The following CYFIP1 variants were observed in gnomAD, a reference collection of about 807,000 sequenced individuals.
CYFIP1 encodes cytoplasmic FMR1-interacting protein 1.
A neutral mutation model predicts 163.5 loss-of-function variants in CYFIP1; 58 were observed. The ratio of observed to expected loss-of-function variants is 0.35; its 90% CI spans 0.29 to 0.44. The LOEUF is 0.44. Among genes scored for constraint, CYFIP1 ranks in the 20% least tolerant of loss-of-function variants. The pLI is 1.00. For synonymous variants in CYFIP1, 663 were observed against 660.7 expected (o/e 1.00, Z -0.05); for missense variants, 1,338 against 1,653.8 (o/e 0.81, Z 3.31).
intron 3 of CYFIP1, 61 bp downstream of exon 3, chr15:22,946,942 C>T: frequency 2.8e-6 from 4 of 1,409,446 alleles, no homozygotes; most frequent in Admixed American, 1.7e-5. Context: ...AAAAAGTATA[C>T]ATCTGTCCTT....
At chr15:22,957,705 C>CA (rs1318240551) in intron 1 of CYFIP1, among the ~76,000 whole-genome samples, 1 of 152,196 alleles carries the variant, frequency 6.6e-6, no homozygotes, top group Non-Finnish European at 1.5e-5. Context: ...CAAACAAAGA[C>CA]AAACTATGAA....
chr15:22,890,550 G>A (rs907393255), intron 23 of CYFIP1, among the ~76,000 whole-genome samples: 2 of 152,182 alleles, frequency 1.3e-5, no homozygotes, highest in East Asian at 1.9e-4. Context: ...CCCTCCTGGG[G>A]CACCAACACA....
Position 22,879,818 on chromosome 15 carries a change from C to A in CYFIP1, c.3042+95G>T, listed in dbSNP as rs775383949. 699 of 897,076 alleles carry A rather than the reference C, an allele frequency of 7.8e-4. 2 individuals are homozygous for A. Among genetic ancestry groups the A allele is most frequent in the Middle Eastern group, 2.4e-3 (7 of 2,916 alleles). The allele number at this position is 897,076 out of a possible 1,614,324, so 55.6% of individuals were successfully genotyped here. On this transcript the variant is annotated intron_variant, in intron 26 of 30. Coordinates refer to ENST00000617928, the MANE Select transcript of CYFIP1 (RefSeq NM_014608.6). ...TGATGCACAGCTGTTGCCACACCCC[C>A]ACTAAAGAACCCGCCAAAGAAAGCC...
chr15:22,943,485 G>C, intron 5 of CYFIP1, 131 bp from the exon 6 acceptor site: 2 of 1,013,758 alleles, frequency 2.0e-6, no homozygotes, highest in Non-Finnish European at 2.8e-6. Flanking sequence ...CCAGGCCGAA[G>C]TGTTTACAAT....
chr15:22,922,309 GC>G (rs1313504960), intron 13 of CYFIP1, among the ~76,000 whole-genome samples: 6 of 152,178 alleles, frequency 3.9e-5, no homozygotes, highest in Admixed American at 1.3e-4. Context: ...CACGTGACTG[GC>G]CCCCAGTAAA....
chr15:22,944,679 G>A lies in CYFIP1; in HGVS notation c.286-20C>T. On this transcript the variant is annotated intron_variant, in intron 4 of 30. Coordinates refer to ENST00000617928, the MANE Select transcript of CYFIP1 (RefSeq NM_014608.6). ...TTTCACCTGGGAATAAAGGAACAAG[G>A]ATGACATAAGAGGCTTTGATCCAGC... 1.2e-6 allele frequency: 2 copies of A among 1,601,542 alleles called. No homozygotes were observed. The highest frequency in any genetic ancestry group is 1.7e-6 in the Non-Finnish European group (2 of 1,168,548).
chr15:22,939,388 G>A, intron 7 of CYFIP1, 23 bp downstream of exon 7: 2 of 1,613,950 alleles, frequency 1.2e-6, no homozygotes, highest in Non-Finnish European at 1.7e-6. Flanking sequence ...CCATCAACCT[G>A]AGTGTGCAAA....
rs966412001 is a variant in CYFIP1 at position 22,873,088 on chromosome 15, C to T, written c.3450-116G>A. The T allele has an allele frequency of 1.3e-5, 15 of 1,157,164 alleles. No homozygotes were observed. The African/African-American group carries it at 2.0e-4, about 16-fold the overall frequency. The allele number at this position is 1,157,164 out of a possible 1,614,324, so 71.7% of individuals were successfully genotyped here. ...ATCTGCATTACTGTCTGTGCCTACA[C>T]AGTCACCTTCCACAGCCAGGAAGAG... is the stretch of plus-strand genomic sequence containing the variant. On this transcript the variant is annotated intron_variant, in intron 29 of 30. Transcript: ENST00000617928.
intron 10 of CYFIP1, among the ~76,000 whole-genome samples, chr15:22,932,565 C>T (rs2061572750): frequency 6.6e-6 from 1 of 152,124 alleles, no homozygotes; most frequent in African/African-American, 2.4e-5. Flanking sequence ...GTTTCTTGAC[C>T]CCTGAGACTG....
chr15:22,925,942 A>AGAGCGACATGAGGAAGAGC (rs2061343292), intron 13 of CYFIP1, 40 bp downstream of exon 13: 1 of 1,603,968 alleles, frequency 6.2e-7, no homozygotes, highest in East Asian at 2.2e-5. Flanking sequence ...GTGTGAAGCT[A>AGAGCGACATGAGGAAGAGC]GAGCGACATG....
At chr15:22,946,946 T>C (rs1342752287) in intron 3 of CYFIP1, 57 bp downstream of exon 3, 1 of 1,442,566 alleles carries the variant, frequency 6.9e-7, no homozygotes, top group African/African-American at 1.4e-5. Context: ...AGTATACATC[T>C]GTCCTTCAAA....
In CYFIP1 at chr15:22,925,133, G is replaced by C. The variant is rs112483414; in HGVS notation, c.1359+849C>G. Among the ~76,000 whole-genome samples the C allele has an allele frequency of 8.2e-3, 1,233 of 150,580 alleles. 15 individuals carry two copies. Among genetic ancestry groups the C allele is most frequent in the African/African-American group, 0.028 (1,162 of 41,036 alleles). Reference sequence around the variant, plus strand: ...AACCCAAGAACACTGAGGGCCAACTGTATGAGACTTCTGTCAATTCTCCTG... The same window carrying C: ...AACCCAAGAACACTGAGGGCCAACTCTATGAGACTTCTGTCAATTCTCCTG... On this transcript the variant is annotated intron_variant, in intron 13 of 30. Coordinates refer to ENST00000617928, the MANE Select transcript of CYFIP1 (RefSeq NM_014608.6).
intron 1 of CYFIP1, among the ~76,000 whole-genome samples, chr15:22,965,473 A>G (rs960098803): frequency 2.6e-5 from 4 of 152,234 alleles, no homozygotes; most frequent in African/African-American, 7.2e-5. Context: ...TCTTAACCAC[A>G]GTGTTCACTG....
At chr15:22,877,053 T>C (rs2059606953) in intron 26 of CYFIP1, among the ~76,000 whole-genome samples, 1 of 152,074 alleles carries the variant, frequency 6.6e-6, no homozygotes, top group African/African-American at 2.4e-5. Context: ...ACAGAGGCTA[T>C]GGTTTGGATG....
rs376212981 is a variant in CYFIP1, at chr15:22,869,970, A to G, written c.*58T>C. ...AAAAATAGTCCCTAAAAATCTCACT[A>G]AATAGTTTACGGAGAGAAAGGCATG... is the stretch of plus-strand genomic sequence containing the variant. On this transcript the variant is annotated 3_prime_UTR_variant, in exon 31 of 31. Coordinates refer to ENST00000617928, the MANE Select transcript of CYFIP1 (RefSeq NM_014608.6). The G allele has an allele frequency of 2.0e-4, 289 of 1,472,436 alleles. No individual in the cohort carries two copies. The Middle Eastern group carries it at 2.1e-3, about 11-fold the overall frequency. The allele number at this position is 1,472,436 out of a possible 1,614,324, so 91.2% of individuals were successfully genotyped here.
intron 11 of CYFIP1, among the ~76,000 whole-genome samples, chr15:22,930,571 G>A (rs947226061): frequency 6.6e-6 from 1 of 152,204 alleles, no homozygotes; most frequent in Admixed American, 6.5e-5. Flanking sequence ...GCCTAGTGAT[G>A]TCCTGATGAT....
intron 22 of CYFIP1, among the ~76,000 whole-genome samples, chr15:22,895,084 G>A (rs566422392): frequency 4.6e-5 from 7 of 150,574 alleles, no homozygotes; most frequent in African/African-American, 1.7e-4. Flanking sequence ...GCGTGATCTT[G>A]GCTCACTGTA....
chr15:22,937,899 C>T (rs1405206090), intron 8 of CYFIP1, among the ~76,000 whole-genome samples: 2 of 152,180 alleles, frequency 1.3e-5, no homozygotes, highest in Non-Finnish European at 2.9e-5. Context: ...CCACCGTGCC[C>T]AGTCACAAAC....
rs1339702909 is a variant in CYFIP1, at chr15:22,868,130, A to T, written c.*1898T>A. ...CCCCTGCCAATGGTGCTGGTATCCC[A>T]TGCAGCTCACCACTGGCTGCGTGGA... On this transcript the variant is annotated 3_prime_UTR_variant, in exon 31 of 31. Transcript: ENST00000617928. 1 of 152,388 alleles carries T rather than the reference A, an allele frequency of 6.6e-6. No homozygotes were observed. Among genetic ancestry groups the T allele is most frequent in the East Asian group, 1.9e-4 (1 of 5,196 alleles). 9.4% of individuals were successfully genotyped at this position (152,388 alleles called of 1,614,324 possible). A position where few individuals can be genotyped will look rare whatever the true frequency, so the allele number is the denominator to read the frequency against.
Sources: allele counts gnomAD v4.1 joint callset (sites outside exome capture counted in the v4.1 genomes callset), GRCh38; gene constraint gnomAD v4.1.1; transcripts MANE v1.5; gene names NCBI Gene and HGNC (gene_info 2026-07-23, HGNC 2026-07-21).